The following MX1 variants were observed in gnomAD, a reference collection of about 807,000 sequenced individuals.
MX1 encodes MX dynamin like GTPase 1.
Under a neutral mutation model 66.4 loss-of-function variants are expected in MX1, and 66 were observed. The ratio of observed to expected loss-of-function variants is 0.99; its 90% confidence interval spans 0.82 to 1.22. MX1 has a LOEUF of 1.22. Ranked by LOEUF, MX1 falls within the 50% of genes most tolerant of loss-of-function variation. The pLI is 0.00. For missense variants in MX1, 787 were observed against 834.3 expected, an observed-to-expected ratio of 0.94 and a Z score of 0.70; for synonymous variants, 311 against 318.1, an observed-to-expected ratio of 0.98 and a Z score of 0.24.
intron 3 of MX1, chr21:41,429,564 T>C (rs1373743191): frequency 6.6e-6 from 1 of 152,140 alleles, no homozygotes; most frequent in African/African-American, 2.4e-5. Flanking sequence ...CATGAGGTAT[T>C]TCCAAAGGCA....
At chr21:41,422,569 T>C, upstream of MX1, among the ~76,000 whole-genome samples, 1 of 151,898 alleles carries the variant, frequency 6.6e-6, no homozygotes, top group South Asian at 2.1e-4. Context: ...GGCAATGGGG[T>C]AACTGAGACT....
intron 3 of MX1, 40 bp from the exon 4 acceptor site, chr21:41,430,493 C>T (rs193272917): frequency 1.3e-5 from 2 of 152,158 alleles, no homozygotes; most frequent in South Asian, 2.1e-4. Flanking sequence ...GGGTGTTCCG[C>T]GGGTTTGGGT....
chr21:41,441,772 G>T lies in MX1; in HGVS notation c.787G>T (p.Val263Leu). The T allele has an allele frequency of 6.2e-7, 1 of 1,614,226 alleles. No homozygotes were observed. The highest frequency in any genetic ancestry group is 8.5e-7 in the Non-Finnish European group (1 of 1,180,034). The stretch of plus-strand genomic sequence containing the variant: ...AGGAACTGAAGACAAGGTTGTGGAC[G>T]TGGTGCGGAACCTCGTGTTCCACCT... ...DKGTEDKVVD[V>L]VRNLVFHLKK... The change falls in exon 10 of 17, where the codon GTG becomes TTG. Residue 263 changes from valine (V) to leucine (L), a missense_variant. Physicochemically the swap from Val to Leu is conservative, Grantham distance 32. Coordinates refer to ENST00000398598, the MANE Select transcript of MX1 (RefSeq NM_002462.5). This position sits in a 1 kb window ranked among gnomAD's most constrained non-coding sequence, Gnocchi z 4.0.
intron 13 of MX1, among the ~76,000 whole-genome samples, chr21:41,448,469 C>G (rs1360997982): frequency 6.6e-6 from 1 of 152,076 alleles, no homozygotes; most frequent in Admixed American, 6.5e-5. Flanking sequence ...TTTGGTAAAA[C>G]TAAAATTGGA....
chr21:41,451,266 TAAAAA>T, intron 15 of MX1, 23 bp downstream of exon 15: 1 of 1,168,696 alleles, frequency 8.6e-7, no homozygotes, highest in Non-Finnish European at 1.2e-6. Context: ...ATGTGTTGTT[TAAAAA>T]AAAAAAAGAA....
intron 13 of MX1, among the ~76,000 whole-genome samples, chr21:41,447,742 T>G (rs1186670577): frequency 6.6e-6 from 1 of 152,084 alleles, no homozygotes; most frequent in Non-Finnish European, 1.5e-5. Context: ...CTTTTTTTTT[T>G]CTTTTTCTTT....
At chr21:41,446,970 A>G (rs2090680455) in intron 13 of MX1, among the ~76,000 whole-genome samples, 1 of 152,226 alleles carries the variant, frequency 6.6e-6, no homozygotes, top group Non-Finnish European at 1.5e-5. Context: ...GCTCTCTTCT[A>G]TATCACTGAA....
chr21:41,445,622 A>C (rs755890839), intron 12 of MX1, 52 bp downstream of exon 12: 7 of 1,610,792 alleles, frequency 4.3e-6, no homozygotes, highest in Non-Finnish European at 5.9e-6. Flanking sequence ...ATGGTCAAAA[A>C]AGGGACCCTG....
At chr21:41,431,536 C>T (rs1044095138) in intron 4 of MX1, among the ~76,000 whole-genome samples, 3 of 149,958 alleles carry the variant, frequency 2.0e-5, no homozygotes, top group African/African-American at 5.0e-5. Context: ...GGTGCAGTGG[C>T]GTGATCTCAG....
chr21:41,446,984 A>G (rs2090680750), intron 13 of MX1, among the ~76,000 whole-genome samples: 1 of 152,216 alleles, frequency 6.6e-6, no homozygotes, highest in South Asian at 2.1e-4. Flanking sequence ...CACTGAACCC[A>G]AATGACCATC....
intron 11 of MX1, among the ~76,000 whole-genome samples, chr21:41,445,037 A>G (rs2090622752): frequency 6.6e-6 from 1 of 152,194 alleles, no homozygotes; most frequent in Admixed American, 6.5e-5. Flanking sequence ...ATTGATTGCA[A>G]GCAACATAAA....
chr21:41,437,855 A>G (rs930255374), intron 7 of MX1, among the ~76,000 whole-genome samples: 1 of 152,204 alleles, frequency 6.6e-6, no homozygotes, highest in African/African-American at 2.4e-5. Context: ...CCCACTCAGA[A>G]CCAGCACCCT....
chr21:41,437,174 G>C (rs2090388840), intron 7 of MX1, 22 bp downstream of exon 7: 1 of 1,613,166 alleles, frequency 6.2e-7, no homozygotes, highest in African/African-American at 1.3e-5. Flanking sequence ...CTGTTTGGAT[G>C]CCTGGTCAAG....
chr21:41,447,008 A>T (rs2146287720), intron 13 of MX1, among the ~76,000 whole-genome samples: 1 of 152,328 alleles, frequency 6.6e-6, no homozygotes, highest in Admixed American at 6.5e-5. Flanking sequence ...TGATGAATTG[A>T]TAAACCAACT....
At chr21:41,457,805 C>G (rs2090993870) in intron 16 of MX1, among the ~76,000 whole-genome samples, 1 of 152,210 alleles carries the variant, frequency 6.6e-6, no homozygotes, top group Admixed American at 6.5e-5. Flanking sequence ...CTCCAGGACC[C>G]TATCACCTTC....
intron 8 of MX1, among the ~76,000 whole-genome samples, chr21:41,440,321 A>G (rs1021999718): frequency 7.9e-5 from 12 of 152,232 alleles, no homozygotes; most frequent in African/African-American, 2.9e-4. Flanking sequence ...CAACATAGTG[A>G]GACCCCCTTC....
At chr21:41,433,722 C>T (rs74652624) in intron 5 of MX1, among the ~76,000 whole-genome samples, 102 of 152,168 alleles carry the variant, frequency 6.7e-4, no homozygotes, top group African/African-American at 2.4e-3. Flanking sequence ...AGGAGTTGAC[C>T]CAGGGAGGTG....
chr21:41,452,771 A>T lies in MX1; in HGVS notation c.1660A>T (p.Lys554Ter), dbSNP rs781406082. Residue 554 changes from lysine to a stop codon, truncating the protein, a stop_gained, in exon 16 of 17, where the codon AAG becomes TAG. Coordinates refer to ENST00000398598, the MANE Select transcript of MX1 (RefSeq NM_002462.5). LOFTEE classifies it high-confidence loss of function. ...CAGAGAGAAGGAGCTGGAAGAAGAA[A>T]AGAAGAAGAAATCCTGGGATTTTGG... The part of the protein sequence containing the change: ...KVREKELEEE[K>*]KKKSWDFGAF... 1.1e-5 allele frequency: 18 copies of T among 1,614,112 alleles called. No individual in the cohort carries two copies. In the East Asian group the frequency reaches 4.0e-4, roughly 36 times the overall value.
chr21:41,446,274 G>A, intron 13 of MX1, 133 bp downstream of exon 13: 2 of 857,966 alleles, frequency 2.3e-6, no homozygotes, highest in Non-Finnish European at 3.6e-6. Context: ...AGGAAATTTG[G>A]TGTCTGGTGA....
Sources: allele counts gnomAD v4.1 joint callset (sites outside exome capture counted in the v4.1 genomes callset), GRCh38; gene constraint gnomAD v4.1.1; non-coding constraint Gnocchi (gnomAD v3.1); transcripts MANE v1.5; gene names NCBI Gene and HGNC (gene_info 2026-07-23, HGNC 2026-07-21).